LAMA2: variants seen among roughly 807,000 people sequenced by gnomAD.
The protein encoded by LAMA2 is laminin subunit alpha 2.
Under a neutral mutation model 364.8 loss-of-function variants are expected in LAMA2, and 269 were observed. That is an observed-to-expected ratio of 0.74 (90% CI 0.67 to 0.82). LAMA2 has a LOEUF of 0.82. Ranked by LOEUF, LAMA2 falls within the 40% of genes least tolerant of loss-of-function variation. The pLI, the probability that LAMA2 is intolerant of heterozygous loss-of-function variation, is 0.00. For missense variants in LAMA2, 3,807 were observed against 3,873.2 expected (o/e 0.98, Z 0.45); for synonymous variants, 1,379 against 1,370.6 (o/e 1.01, Z -0.14).
At chr6:129,392,719 G>A (rs1251439078) in intron 36 of LAMA2, among the ~76,000 whole-genome samples, 1 of 152,044 alleles carries the variant, frequency 6.6e-6, no homozygotes, top group African/African-American at 2.4e-5. Context: ...TGAAACAAGT[G>A]GATTGTTTGA....
chr6:129,453,564 G>A (rs1048298483), intron 46 of LAMA2, among the ~76,000 whole-genome samples: 4 of 152,086 alleles, frequency 2.6e-5, no homozygotes, highest in African/African-American at 9.7e-5. Context: ...CTTCTAACTT[G>A]TGTTGAATTT....
In LAMA2 at chr6:128,929,504, A is replaced by G. The variant is rs77074669; in HGVS notation, c.112+46147A>G. On this transcript the variant is annotated intron_variant, in intron 1 of 64. Coordinates refer to ENST00000421865, the MANE Select transcript of LAMA2 (RefSeq NM_000426.4). The stretch of plus-strand genomic sequence containing the variant: ...ACAGACTCTTTATGGTATGCCGACC[A>G]GATCGATTCTGCTTGTACCTGTAGA... The G allele has an allele frequency of 2.8e-3, 2,381 of 855,042 alleles. 42 individuals carry two copies. In the African/African-American group the frequency reaches 0.035, roughly 13 times the overall value. The allele number at this position is 855,042 out of a possible 1,614,324, so 53.0% of individuals were successfully genotyped here.
intron 28 of LAMA2, among the ~76,000 whole-genome samples, chr6:129,322,121 C>T (rs1775001839): frequency 6.6e-6 from 1 of 152,192 alleles, no homozygotes; most frequent in South Asian, 2.1e-4. Flanking sequence ...TGTTTTGTGA[C>T]ACATGCTTAA....
Position 129,328,394 on chromosome 6 carries a change from T to G in LAMA2, c.4293T>G (p.Pro1431=), listed in dbSNP as rs1264311595. 1 of 1,614,184 alleles carries G rather than the reference T, an allele frequency of 6.2e-7. No homozygotes were observed. Among genetic ancestry groups the G allele is most frequent in the Non-Finnish European group, 8.5e-7 (1 of 1,180,018 alleles). The change falls in exon 29 of 65, where the codon CCT becomes CCG. Residue 1431 remains proline (P), a synonymous_variant. Transcript: ENST00000421865. ...QCNGHSSLCD[P]ETSICQNCQH... Reference sequence around the variant, plus strand: ...ATGGACACAGCAGCCTGTGTGACCCTGAAACATCGATATGCCAGGTAGTCC... The same window carrying G: ...ATGGACACAGCAGCCTGTGTGACCCGGAAACATCGATATGCCAGGTAGTCC...
chr6:129,278,179 G>A lies in LAMA2; in HGVS notation c.2451-1882G>A, dbSNP rs112468169. ...ATTGCACCACTGCACTCCAGTCTGG[G>A]CAACAGAGCAAGACTCTGTCTCAAA... On this transcript the variant is annotated intron_variant, in intron 17 of 64. Transcript: ENST00000421865. Among the ~76,000 whole-genome samples, 1,203 of 152,230 alleles carry A rather than the reference G, an allele frequency of 7.9e-3. 14 individuals carry two copies. Among genetic ancestry groups the A allele is most frequent in the African/African-American group, 0.028 (1,163 of 41,546 alleles).
At chr6:129,425,178 T>C (rs763227287) in intron 40 of LAMA2, among the ~76,000 whole-genome samples, 12 of 152,194 alleles carry the variant, frequency 7.9e-5, no homozygotes, top group Non-Finnish European at 1.6e-4. Flanking sequence ...TTCTCTACCA[T>C]GGTTGTGGTA....
chr6:129,220,518 T>G (rs1264791433), intron 12 of LAMA2, among the ~76,000 whole-genome samples: 2 of 152,240 alleles, frequency 1.3e-5, no homozygotes, highest in African/African-American at 4.8e-5. Flanking sequence ...CTCAAATTAT[T>G]GTTGGTCTAT....
intron 45 of LAMA2, among the ~76,000 whole-genome samples, chr6:129,447,023 T>C (rs1368821580): frequency 6.6e-6 from 1 of 152,226 alleles, no homozygotes; most frequent in Non-Finnish European, 1.5e-5. Context: ...GTGATCATTA[T>C]GTATGTAAAG....
intron 32 of LAMA2, among the ~76,000 whole-genome samples, chr6:129,355,477 T>G (rs1310352397): frequency 6.6e-6 from 1 of 152,192 alleles, no homozygotes; most frequent in East Asian, 1.9e-4. Flanking sequence ...AATTTTCCTT[T>G]TAATATATTT....
chr6:129,432,423 CAA>C (rs1183758219), intron 41 of LAMA2, among the ~76,000 whole-genome samples: 2 of 152,148 alleles, frequency 1.3e-5, no homozygotes, highest in Non-Finnish European at 2.9e-5. Flanking sequence ...GGACAAGAAA[CAA>C]ACATTCAGAA....
At chr6:129,163,437 C>A (rs993345535) in intron 8 of LAMA2, among the ~76,000 whole-genome samples, 1 of 152,086 alleles carries the variant, frequency 6.6e-6, no homozygotes, top group African/African-American at 2.4e-5. Context: ...AGTTTAAGAC[C>A]AACCTGGCCA....
chr6:129,316,055 T>C lies in LAMA2; in HGVS notation c.3942T>C (p.Tyr1314=). The C allele has an allele frequency of 6.2e-7, 1 of 1,614,028 alleles. No homozygotes were observed. Among genetic ancestry groups the C allele is most frequent in the Non-Finnish European group, 8.5e-7 (1 of 1,179,908 alleles). ...IEMTEKEWKY[Y]GDDPRVHRTV... ...GTTAACAGAAAGAATGGAAATATTA[T>C]GGGGATGATCCTCGAGTCCATAGAA... Residue 1314 remains tyrosine, a synonymous_variant, in exon 27 of 65, where the codon TAT becomes TAC. Transcript: ENST00000421865.
At chr6:129,353,492 A>T (rs1776979653) in intron 32 of LAMA2, 135 bp downstream of exon 32, 2 of 715,722 alleles carry the variant, frequency 2.8e-6, no homozygotes, top group African/African-American at 1.9e-5. Context: ...ATTCTTTCTG[A>T]CACTATCTAT....
rs1485627605 is a variant in LAMA2, at chr6:129,251,066, CTCTCTCTCTCTATATATA to C, written c.1884+855_1884+872del. Among the ~76,000 whole-genome samples, 144 of 68,092 alleles carry C rather than the reference CTCTCTCTCTCTATATATA, an allele frequency of 2.1e-3. 1 individual carries two copies. The highest frequency in any genetic ancestry group is 3.2e-3 in the Non-Finnish European group (101 of 31,378). 44.7% of individuals were successfully genotyped at this position (68,092 alleles called of 152,430 possible). A position where few individuals can be genotyped will look rare whatever the true frequency, so the allele number is the denominator to read the frequency against. ...TCTCTCTCTCTCTCTCTCTCTCTCT[CTCTCTCTCTCTATATATA>C]TATATATATATATATATATATGGCA... On this transcript the variant is annotated intron_variant, in intron 13 of 64. Transcript: ENST00000421865.
chr6:128,919,165 T>C (rs1778535315), intron 1 of LAMA2, among the ~76,000 whole-genome samples: 1 of 152,218 alleles, frequency 6.6e-6, no homozygotes, highest in Non-Finnish European at 1.5e-5. Flanking sequence ...GAAGTTTTCT[T>C]CTATTTCTCT....
intron 41 of LAMA2, among the ~76,000 whole-genome samples, chr6:129,429,788 C>G (rs559778026): frequency 1.3e-5 from 2 of 152,312 alleles, no homozygotes; most frequent in East Asian, 3.9e-4. Flanking sequence ...AAGAACCAAT[C>G]CTGTCTTTAA....
rs1369637195 is a variant in LAMA2, at chr6:129,314,541, TTC to T, written c.3412-112_3412-111del. The T allele has an allele frequency of 3.2e-5, 29 of 897,038 alleles. No individual in the cohort carries two copies. In the Admixed American group the frequency reaches 4.9e-4, roughly 15 times the overall value. 55.6% of individuals were successfully genotyped at this position (897,038 alleles called of 1,614,324 possible). On this transcript the variant is annotated intron_variant, in intron 23 of 64. Transcript: ENST00000421865. The stretch of plus-strand genomic sequence containing the variant: ...GATGTGAGTCTAATACTCAGTGTTC[TTC>T]TGTTTTGTTTTAAATTTTTTAAAAA...
intron 9 of LAMA2, among the ~76,000 whole-genome samples, chr6:129,174,220 T>G (rs1310542394): frequency 6.6e-6 from 1 of 152,108 alleles, no homozygotes. Flanking sequence ...TTTGTATGAT[T>G]TCATTTTATA....
At position 128,883,361 on chromosome 6, in the gene LAMA2, C is replaced by G; in HGVS notation, c.112+4C>G. ...TCACAGGCACATCAGCAAAGAGGTA[C>G]AGTCGAGGCATGGGCTTGGGTTGCA... On this transcript the variant is annotated splice_donor_region_variant and intron_variant, in intron 1 of 64. Transcript: ENST00000421865. The G allele has an allele frequency of 3.1e-6, 5 of 1,589,420 alleles. No individual in the cohort carries two copies. Among genetic ancestry groups the G allele is most frequent in the Non-Finnish European group, 4.3e-6 (5 of 1,168,128 alleles).
Sources: gnomAD v4.1 joint callset for allele counts (sites outside exome capture counted in the v4.1 genomes callset) on GRCh38, gnomAD v4.1.1 for gene constraint, MANE v1.5 for transcripts, NCBI Gene and HGNC (gene_info 2026-07-23, HGNC 2026-07-21) for gene names.